The following SH3GL2 variants were observed in gnomAD, a reference collection of about 807,000 sequenced individuals.
The protein encoded by SH3GL2 is SH3 domain containing GRB2 like 2, endophilin A1, also known as endophilin-A1.
In SH3GL2, 24 loss-of-function variants were observed where a neutral mutation model predicts 46.0. The ratio of observed to expected loss-of-function variants is 0.52; its 90% CI spans 0.38 to 0.73. SH3GL2 has a LOEUF of 0.73. Ranked by LOEUF, SH3GL2 falls within the 30% of genes least tolerant of loss-of-function variation. The probability of loss-of-function intolerance (pLI) is 0.00; values close to 1 mark genes in which losing one functional copy is unlikely to be tolerated. For missense variants in SH3GL2, 413 were observed against 424.2 expected (o/e 0.97, Z 0.23); for synonymous variants, 196 against 147.1 (o/e 1.33, Z -2.40).
chr9:17,677,007 G>T (rs1421153232), intron 1 of SH3GL2, among the ~76,000 whole-genome samples: 1 of 152,092 alleles, frequency 6.6e-6, no homozygotes, highest in Non-Finnish European at 1.5e-5. Context: ...GCAGAACTAG[G>T]TCTGCTCAGA....
intron 1 of SH3GL2, among the ~76,000 whole-genome samples, chr9:17,698,440 G>A (rs1178271070): frequency 3.9e-5 from 6 of 152,222 alleles, no homozygotes; most frequent in African/African-American, 1.4e-4. Flanking sequence ...ATGTTATGGT[G>A]AGTGGGAGAC....
At chr9:17,791,177 G>A (rs539701371) in intron 6 of SH3GL2, 54 bp from the exon 7 acceptor site, 15 of 1,292,388 alleles carry the variant, frequency 1.2e-5, no homozygotes, top group South Asian at 9.5e-5. Flanking sequence ...AGTAGTGGCT[G>A]TTTAGGGATG....
Position 17,791,361 on chromosome 9 carries a change from A to G in SH3GL2, c.728+27A>G, listed in dbSNP as rs375127508. 5.7e-6 allele frequency: 8 copies of G among 1,413,522 alleles called. No individual in the cohort carries two copies. In the African/African-American group the frequency reaches 9.9e-5, roughly 17 times the overall value. The allele number at this position is 1,413,522 out of a possible 1,614,324, so 87.6% of individuals were successfully genotyped here. On this transcript the variant is annotated intron_variant, in intron 7 of 8. Transcript: ENST00000380607. ...TATTCTACAGTTCCCTGCATTTCAC[A>G]TTTGCATTTTATTGCTATAAAATGA...
intron 1 of SH3GL2, among the ~76,000 whole-genome samples, chr9:17,612,292 G>A (rs1588172451): frequency 2.0e-5 from 3 of 152,100 alleles, no homozygotes; most frequent in Admixed American, 1.3e-4. Flanking sequence ...TAGTAGCTCT[G>A]GTCAGATTTT....
Position 17,787,444 on chromosome 9 carries a change from C to T in SH3GL2, c.396C>T (p.Asp132=), listed in dbSNP as rs1823993657. ...RELSEVKDSL[D]IEVKQNFIDP... ...TGTCGGAGGTCAAAGACTCTTTGGA[C>T]ATAGAAGTGAAGCAGAACTTCATTG... Residue 132 remains aspartate, a synonymous_variant, in exon 5 of 9, where the codon GAC becomes GAT. Coordinates refer to ENST00000380607, the MANE Select transcript of SH3GL2 (RefSeq NM_003026.5). The T allele has an allele frequency of 6.2e-7, 1 of 1,612,406 alleles. No individual in the cohort carries two copies. The highest frequency in any genetic ancestry group is 8.5e-7 in the Non-Finnish European group (1 of 1,178,558).
chr9:17,638,467 G>A (rs1274136976), intron 1 of SH3GL2, among the ~76,000 whole-genome samples: 1 of 152,166 alleles, frequency 6.6e-6, no homozygotes, highest in Non-Finnish European at 1.5e-5. Context: ...TGAAAACATT[G>A]TTGTGAAAGT....
chr9:17,710,084 G>A (rs1396241381), intron 1 of SH3GL2, among the ~76,000 whole-genome samples: 1 of 151,918 alleles, frequency 6.6e-6, no homozygotes, highest in Non-Finnish European at 1.5e-5. Context: ...CCTAAAATCA[G>A]TTAGGGAACT....
chr9:17,742,261 A>T (rs1416072040), intron 1 of SH3GL2, among the ~76,000 whole-genome samples: 1 of 152,144 alleles, frequency 6.6e-6, no homozygotes, highest in East Asian at 1.9e-4. Flanking sequence ...CCCCTAGAGG[A>T]TGGAATGTCT....
intron 7 of SH3GL2, among the ~76,000 whole-genome samples, chr9:17,793,094 G>A (rs1824180216): frequency 6.6e-6 from 1 of 152,166 alleles, no homozygotes; most frequent in South Asian, 2.1e-4. Context: ...CTAGCACAGT[G>A]CGTATTTGGA....
chr9:17,721,999 C>T (rs776059705), intron 1 of SH3GL2, among the ~76,000 whole-genome samples: 4 of 152,052 alleles, frequency 2.6e-5, no homozygotes, highest in Non-Finnish European at 4.4e-5. Context: ...GTGCCTGAGA[C>T]ACATGTATGA....
intron 1 of SH3GL2, among the ~76,000 whole-genome samples, chr9:17,708,833 G>A (rs1052434437): frequency 1.3e-4 from 19 of 151,972 alleles, no homozygotes; most frequent in African/African-American, 4.6e-4. Context: ...GAAATTTGAA[G>A]TGCATTTGAG....
chr9:17,779,701 C>T (rs1823744150), intron 3 of SH3GL2, among the ~76,000 whole-genome samples: 1 of 152,154 alleles, frequency 6.6e-6, no homozygotes, highest in Admixed American at 6.6e-5. Flanking sequence ...CAATTATCTT[C>T]TGCTTCTTTC....
At chr9:17,740,635 G>A (rs546898010) in intron 1 of SH3GL2, among the ~76,000 whole-genome samples, 17 of 152,152 alleles carry the variant, frequency 1.1e-4, no homozygotes, top group African/African-American at 2.9e-4. Context: ...TAGCTATTTC[G>A]TCTTTCTAAA....
chr9:17,665,527 G>T (rs117437078), intron 1 of SH3GL2, among the ~76,000 whole-genome samples: 3 of 151,868 alleles, frequency 2.0e-5, no homozygotes, highest in African/African-American at 7.3e-5. Flanking sequence ...ATTCATTAAC[G>T]TTTATTATGT....
chr9:17,758,926 A>T (rs941595161), intron 2 of SH3GL2, among the ~76,000 whole-genome samples: 4 of 152,126 alleles, frequency 2.6e-5, no homozygotes, highest in African/African-American at 9.7e-5. Flanking sequence ...CTCTTTTAAG[A>T]TGGAGTCCTG....
chr9:17,644,270 CTCTT>C (rs1563795143), intron 1 of SH3GL2, among the ~76,000 whole-genome samples: 4 of 151,776 alleles, frequency 2.6e-5, no homozygotes, highest in Non-Finnish European at 1.5e-5. Flanking sequence ...AGTTTGTCAA[CTCTT>C]TCAGAAAAAC....
intron 1 of SH3GL2, among the ~76,000 whole-genome samples, chr9:17,593,279 C>G (rs1332826984): frequency 2.6e-5 from 4 of 151,746 alleles, no homozygotes; most frequent in Non-Finnish European, 5.9e-5. Context: ...AAGCACAGGA[C>G]TGTGCTTGTG....
intron 1 of SH3GL2, among the ~76,000 whole-genome samples, chr9:17,618,264 A>G (rs189918221): frequency 0.045 from 6,457 of 143,266 alleles, 195 homozygotes; most frequent in Non-Finnish European, 0.063. Context: ...TGCACAGGAC[A>G]AAAAAATACC....
At chr9:17,793,619 T>C in intron 8 of SH3GL2, 122 bp downstream of exon 8, 2 of 878,846 alleles carry the variant, frequency 2.3e-6, no homozygotes, top group Non-Finnish European at 1.8e-6. Context: ...ACATTTCTTA[T>C]GGAGTCAGTT....
Sources: gnomAD v4.1 joint callset for allele counts (sites outside exome capture counted in the v4.1 genomes callset) on GRCh38, gnomAD v4.1.1 for gene constraint, MANE v1.5 for transcripts, NCBI Gene and HGNC (gene_info 2026-07-23, HGNC 2026-07-21) for gene names.